The following TTC28 variants were observed in gnomAD, a reference collection of about 807,000 sequenced individuals.
TTC28 encodes the protein tetratricopeptide repeat protein 28.
A neutral mutation model predicts 198.0 loss-of-function variants in TTC28; 61 were observed. The observed-to-expected ratio is 0.31, with a 90% CI of 0.25 to 0.38. The LOEUF (loss-of-function observed/expected upper bound fraction) is 0.38, where lower values mean the gene tolerates loss of function less well. Among genes scored for constraint, TTC28 ranks in the 10% least tolerant of loss-of-function variants. The pLI, the probability that TTC28 is intolerant of heterozygous loss-of-function variation, is 1.00. For synonymous variants in TTC28, 1,171 were observed against 1,297.8 expected (o/e 0.90, Z 2.10); for missense variants, 2,678 against 3,164.0 (o/e 0.85, Z 3.69).
At chr22:28,147,144 A>G (rs1943487714) in intron 6 of TTC28, among the ~76,000 whole-genome samples, 1 of 152,248 alleles carries the variant, frequency 6.6e-6, no homozygotes, top group South Asian at 2.1e-4. Flanking sequence ...TAATTCAACA[A>G]ATGTATTTTC....
rs1352551838 is a variant in TTC28, at chr22:28,385,404, GATA to G, written c.382-78764_382-78762del. The stretch of plus-strand genomic sequence containing the variant: ...TTCAGTTTGTTCACTTGTAAATGTA[GATA>G]ATAATATCTACTTTTAATAGATGTT... On this transcript the variant is annotated intron_variant, in intron 2 of 22. Coordinates refer to ENST00000397906, the MANE Select transcript of TTC28 (RefSeq NM_001145418.2). Among the ~76,000 whole-genome samples, 48 of 150,496 alleles carry G rather than the reference GATA, an allele frequency of 3.2e-4. No individual in the cohort carries two copies. In the East Asian group the frequency reaches 8.0e-3, roughly 25 times the overall value.
chr22:28,011,297 TAAAAAA>T (rs1257193749), intron 14 of TTC28, among the ~76,000 whole-genome samples: 1 of 152,092 alleles, frequency 6.6e-6, no homozygotes, highest in Non-Finnish European at 1.5e-5. Flanking sequence ...TTCGGGGAAT[TAAAAAA>T]TATATATTTT....
At chr22:28,019,651 T>C (rs974743512) in intron 13 of TTC28, among the ~76,000 whole-genome samples, 1 of 152,224 alleles carries the variant, frequency 6.6e-6, no homozygotes, top group Admixed American at 6.5e-5. Context: ...AGTCCTTCAC[T>C]GCTTTGTAGA....
At chr22:28,405,950 C>T (rs2046992177) in intron 2 of TTC28, among the ~76,000 whole-genome samples, 1 of 152,250 alleles carries the variant, frequency 6.6e-6, no homozygotes, top group Non-Finnish European at 1.5e-5. Flanking sequence ...GTTAGCCCTG[C>T]TCCACAAAGA....
chr22:28,226,988 C>CA (rs1190337970), intron 5 of TTC28, among the ~76,000 whole-genome samples: 2 of 152,148 alleles, frequency 1.3e-5, no homozygotes, highest in Non-Finnish European at 2.9e-5. Flanking sequence ...TGCAGTAGAG[C>CA]AATCATAGCT....
intron 5 of TTC28, among the ~76,000 whole-genome samples, chr22:28,261,051 C>T (rs137896005): frequency 1.5e-3 from 224 of 152,160 alleles, no homozygotes; most frequent in African/African-American, 5.2e-3. Context: ...ACTGCCTGGC[C>T]CACTCAGGAT....
chr22:28,636,546 C>T (rs955477130), intron 1 of TTC28, among the ~76,000 whole-genome samples: 11 of 152,252 alleles, frequency 7.2e-5, no homozygotes, highest in Non-Finnish European at 1.3e-4. Context: ...TGCAGATATA[C>T]TTCAAGATTA....
chr22:28,655,826 G>A (rs1001713832), intron 1 of TTC28, among the ~76,000 whole-genome samples: 9 of 151,326 alleles, frequency 5.9e-5, no homozygotes, highest in African/African-American at 2.2e-4. Context: ...ACTCCAGCCT[G>A]GGCGACAGAG....
intron 2 of TTC28, among the ~76,000 whole-genome samples, chr22:28,556,859 C>G (rs1336884853): frequency 1.3e-5 from 2 of 152,220 alleles, no homozygotes; most frequent in Non-Finnish European, 2.9e-5. Flanking sequence ...GGGCTCAATT[C>G]TTCTCCAGTA....
At chr22:28,096,055 C>A (rs944060144) in intron 11 of TTC28, 135 bp downstream of exon 11, 11 of 1,308,490 alleles carry the variant, frequency 8.4e-6, no homozygotes, top group Non-Finnish European at 1.1e-5. Context: ...ATATCCACTG[C>A]GGCTGAGGTT....
intron 12 of TTC28, among the ~76,000 whole-genome samples, chr22:28,040,337 A>G (rs942137765): frequency 1.3e-5 from 2 of 152,230 alleles, no homozygotes; most frequent in African/African-American, 2.4e-5. Context: ...GAAAATCCTC[A>G]ATAAAATACT....
intron 2 of TTC28, among the ~76,000 whole-genome samples, chr22:28,518,845 G>C (rs2048843242): frequency 6.6e-6 from 1 of 151,992 alleles, no homozygotes; most frequent in African/African-American, 2.4e-5. Context: ...AGTCTCCTAG[G>C]CCATCATTCA....
At chr22:28,501,337 A>G (rs2048536055) in intron 2 of TTC28, among the ~76,000 whole-genome samples, 1 of 152,182 alleles carries the variant, frequency 6.6e-6, no homozygotes, top group Admixed American at 6.5e-5. Context: ...GTGATGTATA[A>G]GGTGTTCCAG....
chr22:28,484,835 C>G (rs551097898), intron 2 of TTC28, among the ~76,000 whole-genome samples: 3 of 152,356 alleles, frequency 2.0e-5, no homozygotes, highest in African/African-American at 7.2e-5. Flanking sequence ...TGGGTTATTT[C>G]TAGAATCCTC....
At chr22:28,612,001 T>C (rs1319890771) in intron 2 of TTC28, among the ~76,000 whole-genome samples, 1 of 152,130 alleles carries the variant, frequency 6.6e-6, no homozygotes, top group Non-Finnish European at 1.5e-5. Flanking sequence ...GTAAATGGGC[T>C]AAATGCCCCA....
chr22:28,474,736 T>C (rs1020526375), intron 2 of TTC28, among the ~76,000 whole-genome samples: 4 of 152,186 alleles, frequency 2.6e-5, no homozygotes, highest in Non-Finnish European at 5.9e-5. Flanking sequence ...ATGTGATAAA[T>C]AGCATAGTCA....
chr22:28,041,375 C>T (rs1403979211), intron 12 of TTC28, among the ~76,000 whole-genome samples: 2 of 152,106 alleles, frequency 1.3e-5, no homozygotes, highest in Non-Finnish European at 2.9e-5. Context: ...GTGCTGGTAC[C>T]AAAACAGATA....
intron 2 of TTC28, among the ~76,000 whole-genome samples, chr22:28,627,046 A>T (rs1013030971): frequency 6.6e-6 from 1 of 152,172 alleles, no homozygotes. Context: ...ACAAGAATTG[A>T]TACTTAATTT....
intron 2 of TTC28, among the ~76,000 whole-genome samples, chr22:28,541,413 G>C (rs750836530): frequency 1.3e-5 from 2 of 152,150 alleles, no homozygotes; most frequent in African/African-American, 4.8e-5. Context: ...CAAGGTGGCA[G>C]GGCAAAGCCT....
Sources: gnomAD v4.1 joint callset for allele counts (sites outside exome capture counted in the v4.1 genomes callset) on GRCh38, gnomAD v4.1.1 for gene constraint, MANE v1.5 for transcripts, NCBI Gene and HGNC (gene_info 2026-07-23, HGNC 2026-07-21) for gene names.